PKD1L1: variants seen among roughly 807,000 people sequenced by gnomAD.
PKD1L1 encodes the protein polycystin 1 like 1, transient receptor potential channel interacting, also known as polycystin-1-like protein 1.
A neutral mutation model predicts 323.4 loss-of-function variants in PKD1L1; 236 were observed. That is an observed-to-expected ratio of 0.73 (90% CI 0.66 to 0.81). The LOEUF is 0.81. PKD1L1 is among the 40% of genes least tolerant of loss of function. The pLI, the probability that PKD1L1 is intolerant of heterozygous loss-of-function variation, is 0.00. For synonymous variants in PKD1L1, 1,344 were observed against 1,335.0 expected (o/e 1.01, Z -0.15); for missense variants, 3,320 against 3,508.0 (o/e 0.95, Z 1.35).
In PKD1L1 at chr7:47,840,442, G is replaced by C. The variant is rs752126011; in HGVS notation, c.5552+19C>G. On this transcript the variant is annotated intron_variant, in intron 35 of 56. Coordinates refer to ENST00000289672, the MANE Select transcript of PKD1L1 (RefSeq NM_138295.5). This position sits in a 1 kb window ranked among gnomAD's most constrained non-coding sequence, Gnocchi z 4.1. ...TGGCCTCTCTTTCCCAAATCTAGCA[G>C]TGAAATATTTTGGAATACCTCAGGA... is the stretch of plus-strand genomic sequence containing the variant. The C allele has an allele frequency of 3.8e-6, 6 of 1,573,848 alleles. No individual in the cohort carries two copies. The East Asian group carries it at 1.3e-4, about 35-fold the overall frequency.
At chr7:47,952,048 C>G (rs1704013521), upstream of PKD1L1, among the ~76,000 whole-genome samples, 1 of 152,188 alleles carries the variant, frequency 6.6e-6, no homozygotes, top group African/African-American at 2.4e-5. Flanking sequence ...CTTGAGGCAG[C>G]TTGTGGACCT....
chr7:47,960,735 C>T, the PKD1L1 span, among the ~76,000 whole-genome samples: 1 of 149,354 alleles, frequency 6.7e-6, no homozygotes, highest in Non-Finnish European at 1.5e-5. Context: ...ATAGACTTCT[C>T]AAAAGAAGAC....
chr7:47,897,532 A>G (rs1459305905), intron 14 of PKD1L1, among the ~76,000 whole-genome samples: 10 of 152,164 alleles, frequency 6.6e-5, no homozygotes, highest in African/African-American at 2.4e-4. Flanking sequence ...TTTAACTCGC[A>G]TATTTTCACC....
chr7:47,872,628 A>G (rs1786306563), intron 24 of PKD1L1, among the ~76,000 whole-genome samples: 1 of 152,250 alleles, frequency 6.6e-6, no homozygotes, highest in Non-Finnish European at 1.5e-5. Context: ...CGCAAGTCCA[A>G]ACCTTAATGG....
intron 55 of PKD1L1, among the ~76,000 whole-genome samples, chr7:47,795,048 T>C (rs1209115640): frequency 6.6e-6 from 1 of 152,216 alleles, no homozygotes; most frequent in Non-Finnish European, 1.5e-5. Flanking sequence ...GATGACACTT[T>C]GGACTGTGGA....
chr7:47,880,278 A>ATTTTTTTTT (rs1562970489), intron 21 of PKD1L1, among the ~76,000 whole-genome samples: 1 of 73,634 alleles, frequency 1.4e-5, no homozygotes, highest in Non-Finnish European at 2.4e-5. Flanking sequence ...ATATATATAT[A>ATTTTTTTTT]TATATATTTT....
intron 24 of PKD1L1, among the ~76,000 whole-genome samples, chr7:47,872,124 T>C (rs901878789): frequency 2.6e-5 from 4 of 152,122 alleles, no homozygotes; most frequent in Admixed American, 2.6e-4. Context: ...ACTTGACAAA[T>C]CCCTATGAAA....
chr7:47,838,051 C>T (rs746104171), intron 36 of PKD1L1, among the ~76,000 whole-genome samples: 5 of 152,286 alleles, frequency 3.3e-5, no homozygotes, highest in African/African-American at 1.2e-4. Flanking sequence ...GTATGTCTCC[C>T]GTTGTTAACT....
intron 32 of PKD1L1, among the ~76,000 whole-genome samples, chr7:47,845,873 G>A (rs1229350189): frequency 2.6e-5 from 4 of 152,104 alleles, no homozygotes; most frequent in Non-Finnish European, 4.4e-5. Context: ...GAGCCACCAC[G>A]CCTGGCCTGT....
At chr7:47,837,972 G>A (rs943149643) in intron 36 of PKD1L1, among the ~76,000 whole-genome samples, 1 of 152,148 alleles carries the variant, frequency 6.6e-6, no homozygotes, top group African/African-American at 2.4e-5. Context: ...GTGCTCATAC[G>A]TGACTAAATT....
rs564351006 is a variant in PKD1L1, at chr7:47,839,627, C to T, written c.5588G>A (p.Arg1863His). Reference sequence around the variant, plus strand: ...AGGCCCACGGCTGTCGTGCCAGAGGCGGATCTTCCTCAGCAGGCCCAGTTG... The same window carrying T: ...AGGCCCACGGCTGTCGTGCCAGAGGTGGATCTTCCTCAGCAGGCCCAGTTG... ...PAQLGLLRKIRLWHDSRGPSP... is the reference protein window; with the variant it reads ...PAQLGLLRKIHLWHDSRGPSP... The change falls in exon 36 of 57, where the codon CGC becomes CAC. Residue 1863 changes from arginine to histidine, a missense_variant. Coordinates refer to ENST00000289672, the MANE Select transcript of PKD1L1 (RefSeq NM_138295.5). The surrounding 1 kb of genome is among the most constrained non-coding windows in gnomAD (Gnocchi z 4.3). The T allele has an allele frequency of 1.7e-5, 27 of 1,581,804 alleles. No individual in the cohort carries two copies. Among genetic ancestry groups the T allele is most frequent in the Non-Finnish European group, 2.1e-5 (25 of 1,163,822 alleles).
At chr7:47,781,076 T>C (rs975069739) in intron 56 of PKD1L1, among the ~76,000 whole-genome samples, 10 of 152,240 alleles carry the variant, frequency 6.6e-5, no homozygotes, top group African/African-American at 2.4e-4. Flanking sequence ...GTTGTCACTA[T>C]TTTTTATTTT....
At chr7:47,783,479 A>G (rs771594429) in intron 56 of PKD1L1, among the ~76,000 whole-genome samples, 2 of 152,226 alleles carry the variant, frequency 1.3e-5, no homozygotes, top group Non-Finnish European at 2.9e-5. Context: ...GCTTAAATGT[A>G]TTTGTTTTGG....
At chr7:47,809,434 T>C (rs1411554710) in intron 51 of PKD1L1, 39 bp downstream of exon 51, 11 of 1,389,390 alleles carry the variant, frequency 7.9e-6, no homozygotes, top group East Asian at 2.5e-5. Context: ...AAACAGTTTA[T>C]TGTTATTTTT....
chr7:47,893,479 C>T (rs1055672381), intron 15 of PKD1L1, among the ~76,000 whole-genome samples: 2 of 152,084 alleles, frequency 1.3e-5, no homozygotes, highest in African/African-American at 2.4e-5. Flanking sequence ...AGCCCACAGG[C>T]GGGAAGCGGT....
intron 54 of PKD1L1, among the ~76,000 whole-genome samples, chr7:47,799,884 C>T (rs1184549261): frequency 6.6e-6 from 1 of 152,172 alleles, no homozygotes; most frequent in Non-Finnish European, 1.5e-5. Context: ...CTGGGTCTGG[C>T]TGGGCAGAGC....
intron 51 of PKD1L1, 130 bp from the exon 52 acceptor site, chr7:47,808,517 T>A: frequency 8.9e-7 from 1 of 1,125,256 alleles, no homozygotes; most frequent in Non-Finnish European, 1.3e-6. Flanking sequence ...GAGAAATGCA[T>A]CGCTGGGTGA....
upstream of PKD1L1, among the ~76,000 whole-genome samples, chr7:47,951,441 A>G (rs2686830): frequency 0.46 from 69,893 of 152,098 alleles, 16,800 homozygotes; most frequent in East Asian, 0.54. Context: ...CTTCTTAGGT[A>G]ATAGTTCACT....
At chr7:47,798,332 A>C (rs546213345) in intron 54 of PKD1L1, among the ~76,000 whole-genome samples, 36 of 152,328 alleles carry the variant, frequency 2.4e-4, no homozygotes, top group African/African-American at 5.8e-4. Flanking sequence ...AATATTCTTC[A>C]AAAAAATTGT....
Sources: gnomAD v4.1 joint callset for allele counts (sites outside exome capture counted in the v4.1 genomes callset) on GRCh38, gnomAD v4.1.1 for gene constraint, Gnocchi (gnomAD v3.1) non-coding constraint, MANE v1.5 for transcripts, NCBI Gene and HGNC (gene_info 2026-07-23, HGNC 2026-07-21) for gene names.